Variants in GLI3 observed in about 807,000 individuals in gnomAD.
GLI3 encodes the protein transcription activator GLI3.
Under a neutral mutation model 100.8 loss-of-function variants are expected in GLI3, and 20 were observed. The observed-to-expected ratio is 0.20, with a 90% CI of 0.14 to 0.29. The LOEUF is 0.29. GLI3 is among the 10% of genes least tolerant of loss of function. The probability of loss-of-function intolerance (pLI) is 1.00; values close to 1 mark genes in which losing one functional copy is unlikely to be tolerated. For missense variants in GLI3, 2,040 were observed against 2,128.5 expected, an observed-to-expected ratio of 0.96 and a Z score of 0.82; for synonymous variants, 938 against 860.5, an observed-to-expected ratio of 1.09 and a Z score of -1.58.
chr7:41,988,653 C>A (rs1490802761), intron 10 of GLI3, among the ~76,000 whole-genome samples: 1 of 152,166 alleles, frequency 6.6e-6, no homozygotes, highest in Non-Finnish European at 1.5e-5. Context: ...CTTCTGACGT[C>A]TTGACCTTAG....
At chr7:42,034,613 C>T (rs1324030502) in intron 7 of GLI3, among the ~76,000 whole-genome samples, 1 of 152,126 alleles carries the variant, frequency 6.6e-6, no homozygotes, top group Non-Finnish European at 1.5e-5. Flanking sequence ...TTACTCCTCC[C>T]ACCTCAGGGC....
chr7:42,203,169 A>G (rs1788081546), intron 2 of GLI3, among the ~76,000 whole-genome samples: 1 of 152,276 alleles, frequency 6.6e-6, no homozygotes, highest in Non-Finnish European at 1.5e-5. Flanking sequence ...ATACATACAC[A>G]CACATTGTGG....
chr7:42,157,529 G>A (rs1787032565), intron 2 of GLI3, among the ~76,000 whole-genome samples: 2 of 152,150 alleles, frequency 1.3e-5, no homozygotes, highest in East Asian at 1.9e-4. Flanking sequence ...AATTGTTTAA[G>A]GATTCGAATT....
intron 3 of GLI3, among the ~76,000 whole-genome samples, chr7:42,099,892 T>C (rs1785422094): frequency 6.6e-6 from 1 of 152,264 alleles, no homozygotes; most frequent in Non-Finnish European, 1.5e-5. Flanking sequence ...TAGAAGTCTC[T>C]GTGACAGCAT....
Position 42,183,356 on chromosome 7 carries a change from GCAA to G in GLI3, c.125-34891_125-34889del, listed in dbSNP as rs548457903. ...CAAGCAAACAGCACAAGGACAGGTG[GCAA>G]CAGGCTAAATGCTGATGAACTTTCA... is the stretch of plus-strand genomic sequence containing the variant. On this transcript the variant is annotated intron_variant, in intron 2 of 14. Transcript: ENST00000395925. 5.3e-5 allele frequency among the ~76,000 whole-genome samples: 8 copies of G among 152,308 alleles called. No homozygotes were observed. In the East Asian group the frequency reaches 1.4e-3, roughly 26 times the overall value.
At chr7:42,150,673 G>A (rs846373) in intron 2 of GLI3, among the ~76,000 whole-genome samples, 3,984 of 152,164 alleles carry the variant, frequency 0.026, 170 homozygotes, top group African/African-American at 0.086. Context: ...AACCAAACTC[G>A]GCTAACCTGT....
intron 7 of GLI3, among the ~76,000 whole-genome samples, chr7:42,030,863 C>A (rs1188853407): frequency 6.6e-6 from 1 of 152,036 alleles, no homozygotes; most frequent in African/African-American, 2.4e-5. Context: ...GGATTACAGG[C>A]ATGCACCACC....
At chr7:42,259,610 G>A (rs1237036609) in intron 1 of GLI3, among the ~76,000 whole-genome samples, 2 of 152,120 alleles carry the variant, frequency 1.3e-5, no homozygotes, top group South Asian at 2.1e-4. Context: ...TTAGCATTCA[G>A]TCTACACTTG....
At chr7:41,971,251 C>G (rs1426892926) in intron 13 of GLI3, among the ~76,000 whole-genome samples, 1 of 152,232 alleles carries the variant, frequency 6.6e-6, no homozygotes, top group African/African-American at 2.4e-5. Context: ...TAAGAAAATG[C>G]TGGCTTTAAG....
At chr7:42,173,465 T>G (rs1173335594) in intron 2 of GLI3, among the ~76,000 whole-genome samples, 1 of 152,186 alleles carries the variant, frequency 6.6e-6, no homozygotes, top group Admixed American at 6.5e-5. Context: ...GTACTGTCTA[T>G]TTTGGCTTTT....
chr7:41,967,564 T>A, intron 14 of GLI3, 32 bp downstream of exon 14: 2 of 1,493,394 alleles, frequency 1.3e-6, no homozygotes, highest in Middle Eastern at 2.1e-4. Context: ...AAAAAAACCC[T>A]GAGCAGATGC....
At chr7:42,239,854 G>T (rs1390698848), upstream of GLI3, among the ~76,000 whole-genome samples, 1 of 152,150 alleles carries the variant, frequency 6.6e-6, no homozygotes, top group African/African-American at 2.4e-5. Context: ...AACAGTGGAG[G>T]GGTAAAAAAC....
chr7:41,966,090 G>T lies in GLI3; in HGVS notation c.2983C>A (p.His995Asn). 6.4e-7 allele frequency: 1 copy of T among 1,570,378 alleles called. No homozygotes were observed. The highest frequency in any genetic ancestry group is 8.6e-7 in the Non-Finnish European group (1 of 1,164,278). ...HGYGRRHLQP[H>N]DAPGHGVRRA... is the part of the protein sequence containing the mutation. Reference sequence around the variant, plus strand: ...CTCACGCCGTGGCCCGGCGCATCGTGCGGCTGCAGGTGGCGCCGCCCGTAG... The same window carrying T: ...CTCACGCCGTGGCCCGGCGCATCGTTCGGCTGCAGGTGGCGCCGCCCGTAG... The change falls in exon 15 of 15, where the codon CAC (histidine) becomes AAC (asparagine). Residue 995 changes from histidine to asparagine, a missense_variant. By Grantham distance (68) the His-to-Asn change is moderately conservative. Transcript: ENST00000395925. The surrounding 1 kb of genome is among the most constrained non-coding windows in gnomAD (Gnocchi z 5.8).
Position 41,960,992 on chromosome 7 carries a change from T to A in GLI3, c.*3338A>T, listed in dbSNP as rs1212428256. On this transcript the variant is annotated 3_prime_UTR_variant, in exon 15 of 15. Transcript: ENST00000395925. The stretch of plus-strand genomic sequence containing the variant: ...TTTATTGACATTGTAAGAAACATTT[T>A]TTTTTCTTTGTTACAAAAGGACTAA... 1.3e-5 allele frequency: 2 copies of A among 152,558 alleles called. No homozygotes were observed. Among genetic ancestry groups the A allele is most frequent in the Non-Finnish European group, 2.9e-5 (2 of 68,030 alleles). 9.5% of individuals were successfully genotyped at this position (152,558 alleles called of 1,614,324 possible).
chr7:42,003,473 T>C (rs1788365790), intron 10 of GLI3, among the ~76,000 whole-genome samples: 1 of 151,936 alleles, frequency 6.6e-6, no homozygotes, highest in African/African-American at 2.4e-5. Context: ...CCACTGATAA[T>C]AACTAAACAA....
chr7:42,263,772 C>A (rs1455966247), intron 1 of GLI3, among the ~76,000 whole-genome samples: 9 of 152,064 alleles, frequency 5.9e-5, no homozygotes, highest in Non-Finnish European at 1.3e-4. Context: ...TTTGAAATTC[C>A]CCTAGCTGTA....
intron 3 of GLI3, among the ~76,000 whole-genome samples, chr7:42,093,241 T>C (rs1785265717): frequency 6.6e-6 from 1 of 151,590 alleles, no homozygotes; most frequent in South Asian, 2.1e-4. Context: ...TAGCCGGGTG[T>C]GGTGGCACAT....
intron 4 of GLI3, among the ~76,000 whole-genome samples, chr7:42,070,446 T>C (rs1301314830): frequency 6.6e-6 from 1 of 152,178 alleles, no homozygotes; most frequent in Admixed American, 6.5e-5. Context: ...GTGGTCTTCA[T>C]TTTCACTAGC....
intron 2 of GLI3, among the ~76,000 whole-genome samples, chr7:42,197,455 AAC>A (rs1235510746): frequency 6.6e-6 from 1 of 152,228 alleles, no homozygotes; most frequent in African/African-American, 2.4e-5. Context: ...TCCTCTGACT[AAC>A]ACAATCACAG....
Sources: allele counts gnomAD v4.1 joint callset (sites outside exome capture counted in the v4.1 genomes callset), GRCh38; gene constraint gnomAD v4.1.1; non-coding constraint Gnocchi (gnomAD v3.1); transcripts MANE v1.5; gene names NCBI Gene and HGNC (gene_info 2026-07-23, HGNC 2026-07-21).